The following STX7 variants were observed in gnomAD, a reference collection of about 807,000 sequenced individuals.
The protein encoded by STX7 is syntaxin-7.
Under a neutral mutation model 39.6 loss-of-function variants are expected in STX7, and 34 were observed. The ratio of observed to expected loss-of-function variants is 0.86; its 90% CI spans 0.65 to 1.14. STX7 has a LOEUF of 1.14. Ranked by LOEUF, STX7 falls within the 50% of genes most tolerant of loss-of-function variation. The pLI is 0.00. For missense variants in STX7, 284 were observed against 310.4 expected, an observed-to-expected ratio of 0.92 and a Z score of 0.64; for synonymous variants, 119 against 99.1, an observed-to-expected ratio of 1.20 and a Z score of -1.19.
intron 2 of STX7, among the ~76,000 whole-genome samples, chr6:132,486,819 C>T (rs1227790392): frequency 1.3e-5 from 2 of 151,986 alleles, no homozygotes; most frequent in Non-Finnish European, 2.9e-5. Flanking sequence ...GTGCCCGCCA[C>T]CATGCCCAGC....
intron 1 of STX7, among the ~76,000 whole-genome samples, chr6:132,506,512 T>C (rs1775709524): frequency 6.6e-6 from 1 of 152,118 alleles, no homozygotes; most frequent in South Asian, 2.1e-4. Context: ...TTAACATCAG[T>C]AAGCACCAGA....
rs745673648 is a variant in STX7 at position 132,489,200 on chromosome 6, T to TAAAAAA, written c.86-13544_86-13539dup. 1.8e-3 allele frequency among the ~76,000 whole-genome samples: 148 copies of TAAAAAA among 83,096 alleles called. 1 individual carries two copies. Among genetic ancestry groups the TAAAAAA allele is most frequent in the African/African-American group, 8.4e-3 (141 of 16,820 alleles). 54.5% of individuals were successfully genotyped at this position (83,096 alleles called of 152,430 possible). ...TGGGCAACAGAGTGGGACTCTGTCT[T>TAAAAAA]AAAAAAAAAAAAAAAAAAAAAAAAA... On this transcript the variant is annotated intron_variant, in intron 2 of 9. Transcript: ENST00000367941.
chr6:132,474,885 C>T (rs892843050), intron 3 of STX7, among the ~76,000 whole-genome samples: 46 of 152,174 alleles, frequency 3.0e-4, no homozygotes, highest in African/African-American at 1.1e-3. Flanking sequence ...CTAATGCTCT[C>T]TGAAATTCAA....
At position 132,453,063 on chromosome 6, in the gene STX7, G is replaced by A. The variant is rs1207541173; in HGVS notation, c.*7695C>T. The A allele has an allele frequency of 2.0e-5, 3 of 152,060 alleles. No individual in the cohort carries two copies. Among genetic ancestry groups the A allele is most frequent in the Non-Finnish European group, 2.9e-5 (2 of 67,964 alleles). The allele number at this position is 152,060 out of a possible 1,614,324, so 9.4% of individuals were successfully genotyped here. On this transcript the variant is annotated 3_prime_UTR_variant, in exon 10 of 10. Coordinates refer to ENST00000367941, the MANE Select transcript of STX7 (RefSeq NM_003569.3). ...AGAAAACCCAGATATAGACCCACAC[G>A]AATGTGCCCAACTGATTTCTCATTA...
At chr6:132,493,003 T>G (rs1775333896) in intron 2 of STX7, among the ~76,000 whole-genome samples, 1 of 152,188 alleles carries the variant, frequency 6.6e-6, no homozygotes, top group South Asian at 2.1e-4. Flanking sequence ...TGTTGAAGGT[T>G]TCCATGCTCC....
chr6:132,478,928 G>A (rs1056693450), intron 2 of STX7, among the ~76,000 whole-genome samples: 2 of 152,122 alleles, frequency 1.3e-5, no homozygotes, highest in African/African-American at 2.4e-5. Context: ...TCAAGGATAC[G>A]GATCATCTCC....
chr6:132,511,001 T>C (rs1775833284), intron 1 of STX7, among the ~76,000 whole-genome samples: 1 of 152,240 alleles, frequency 6.6e-6, no homozygotes, highest in African/African-American at 2.4e-5. Context: ...TTCACTTTCT[T>C]AATCATTAGC....
intron 9 of STX7, chr6:132,461,572 A>G (rs909015565): frequency 9.5e-5 from 33 of 345,718 alleles, no homozygotes; most frequent in African/African-American, 6.9e-4. Context: ...GGCCTCCCAC[A>G]GTGCTGGGAT....
chr6:132,494,709 T>C (rs2114451087), intron 2 of STX7, among the ~76,000 whole-genome samples: 1 of 152,172 alleles, frequency 6.6e-6, no homozygotes, highest in Middle Eastern at 3.4e-3. Context: ...AGTTGACAAG[T>C]GGGGGCAGGG....
chr6:132,475,561 T>C, intron 3 of STX7, 32 bp downstream of exon 3: 1 of 1,490,806 alleles, frequency 6.7e-7, no homozygotes, highest in Non-Finnish European at 9.2e-7. Context: ...GAGTTTTTTC[T>C]TTCTCTTTTA....
At chr6:132,503,780 T>C (rs895351814) in intron 1 of STX7, among the ~76,000 whole-genome samples, 192 bp from the exon 2 acceptor site, 3 of 151,566 alleles carry the variant, frequency 2.0e-5, no homozygotes, top group Admixed American at 1.3e-4. Context: ...AAGGACAGAG[T>C]CATGTTAAAC....
chr6:132,504,695 AGG>A (rs1256520726), intron 1 of STX7, among the ~76,000 whole-genome samples: 1 of 152,218 alleles, frequency 6.6e-6, no homozygotes, highest in Non-Finnish European at 1.5e-5. Context: ...TTTGTCATTT[AGG>A]AGGAAGGATA....
chr6:132,463,773 C>T (rs978136017), intron 9 of STX7, among the ~76,000 whole-genome samples: 2 of 152,212 alleles, frequency 1.3e-5, no homozygotes, highest in African/African-American at 4.8e-5. Flanking sequence ...CTTTCTCTCC[C>T]TGTGGGCCAA....
intron 4 of STX7, among the ~76,000 whole-genome samples, chr6:132,472,041 GAACT>G (rs1191932954): frequency 6.6e-6 from 1 of 152,158 alleles, no homozygotes; most frequent in African/African-American, 2.4e-5. Context: ...CATTTTCTGA[GAACT>G]AACTTAATTA....
At chr6:132,484,282 CAG>C (rs1487644276) in intron 2 of STX7, among the ~76,000 whole-genome samples, 5 of 152,152 alleles carry the variant, frequency 3.3e-5, no homozygotes, top group African/African-American at 9.7e-5. Flanking sequence ...AAAAACAAAA[CAG>C]TGTCCCGTTT....
At chr6:132,507,471 C>T (rs535744700) in intron 1 of STX7, among the ~76,000 whole-genome samples, 1 of 152,342 alleles carries the variant, frequency 6.6e-6, no homozygotes, top group South Asian at 2.1e-4. Flanking sequence ...CTCCATTTCT[C>T]CCCAACCTCA....
chr6:132,513,361 C>G (rs149583552), upstream of STX7, among the ~76,000 whole-genome samples: 736 of 152,372 alleles, frequency 4.8e-3, 9 homozygotes, highest in African/African-American at 0.017. Context: ...AGCCAGCCTT[C>G]TTGCACGCGG....
intron 1 of STX7, among the ~76,000 whole-genome samples, chr6:132,505,060 G>A (rs145804956): frequency 6.6e-5 from 10 of 152,178 alleles, no homozygotes; most frequent in African/African-American, 2.2e-4. Flanking sequence ...AACATTTCTC[G>A]CACATCTGCG....
rs181713416 is a variant in STX7 at position 132,448,435 on chromosome 6, T to G, written c.*12323A>C. 1 of 152,320 alleles carries G rather than the reference T, an allele frequency of 6.6e-6. No homozygotes were observed. The highest frequency in any genetic ancestry group is 1.9e-4 in the East Asian group (1 of 5,188). The allele number at this position is 152,320 out of a possible 1,614,324, so 9.4% of individuals were successfully genotyped here. Reference sequence around the variant, plus strand: ...GAAAAAAGTGTTTTTAATATACCCTTGATTTTGAAAGATAATTTCACTGGG... The same window carrying G: ...GAAAAAAGTGTTTTTAATATACCCTGGATTTTGAAAGATAATTTCACTGGG... On this transcript the variant is annotated 3_prime_UTR_variant, in exon 10 of 10. Transcript: ENST00000367941.
Sources: gnomAD v4.1 joint callset for allele counts (sites outside exome capture counted in the v4.1 genomes callset) on GRCh38, gnomAD v4.1.1 for gene constraint, MANE v1.5 for transcripts, NCBI Gene and HGNC (gene_info 2026-07-23, HGNC 2026-07-21) for gene names.